Variants in ZNF227 observed in about 807,000 individuals in gnomAD.
ZNF227 encodes the protein zinc finger protein 227.
Under a neutral mutation model 13.2 loss-of-function variants are expected in ZNF227, and 12 were observed. The ratio of observed to expected loss-of-function variants is 0.91; its 90% CI spans 0.58 to 1.47. ZNF227 has a LOEUF of 1.47. Among genes scored for constraint, ZNF227 ranks in the 40% most tolerant of loss-of-function variants. The pLI is 0.00. For missense variants in ZNF227, 885 were observed against 967.5 expected, an observed-to-expected ratio of 0.91 and a Z score of 1.13; for synonymous variants, 338 against 326.0, an observed-to-expected ratio of 1.04 and a Z score of -0.40.
chr19:44,228,599 A>C (rs1440124612), intron 4 of ZNF227, 27 bp downstream of exon 4: 2 of 1,583,848 alleles, frequency 1.3e-6, no homozygotes, highest in South Asian at 2.3e-5. Flanking sequence ...TCTGACCCTG[A>C]ACTTCAGTTC....
At chr19:44,216,829 T>G (rs1416334740) in intron 2 of ZNF227, among the ~76,000 whole-genome samples, 1 of 152,198 alleles carries the variant, frequency 6.6e-6, no homozygotes, top group Non-Finnish European at 1.5e-5. Context: ...AGTAAAATAT[T>G]ACTAGCTGGG....
At chr19:44,226,680 C>T (rs1973203120) in intron 3 of ZNF227, among the ~76,000 whole-genome samples, 1 of 152,148 alleles carries the variant, frequency 6.6e-6, no homozygotes, top group Non-Finnish European at 1.5e-5. Flanking sequence ...GTCTGTCACC[C>T]CTTTCTTTGA....
Position 44,229,831 on chromosome 19 carries a change from G to T in ZNF227, c.271+15G>T. 1 of 1,537,328 alleles carries T rather than the reference G, an allele frequency of 6.5e-7. No homozygotes were observed. The highest frequency in any genetic ancestry group is 8.8e-7 in the Non-Finnish European group (1 of 1,131,662). ...AACCCAAAGAAGTAGGTATTCTGGTGAGAACCCTGTGTCTGTTCTTTCAGG... is the reference window on the plus strand; with the variant it reads ...AACCCAAAGAAGTAGGTATTCTGGTTAGAACCCTGTGTCTGTTCTTTCAGG... On this transcript the variant is annotated intron_variant, in intron 5 of 5. Transcript: ENST00000313040.
chr19:44,231,303 T>C (rs1486277483), intron 5 of ZNF227, among the ~76,000 whole-genome samples: 2 of 151,926 alleles, frequency 1.3e-5, no homozygotes, highest in African/African-American at 4.8e-5. Flanking sequence ...TTAATAGAGA[T>C]GGGGTTTCAC....
chr19:44,227,134 C>A (rs188119933), intron 3 of ZNF227: 3 of 152,148 alleles, frequency 2.0e-5, no homozygotes, highest in Non-Finnish European at 4.4e-5. Flanking sequence ...TAAAGATATG[C>A]GTTGTTCGAG....
chr19:44,227,839 G>C (rs1401636646), intron 3 of ZNF227, among the ~76,000 whole-genome samples: 4 of 152,242 alleles, frequency 2.6e-5, no homozygotes, highest in Non-Finnish European at 5.9e-5. Context: ...TGTGCATCCT[G>C]TAGTAGGTGG....
chr19:44,236,219 G>A lies in ZNF227; in HGVS notation c.1789G>A (p.Val597Ile), dbSNP rs754449298. 1 of 1,614,124 alleles carries A rather than the reference G, an allele frequency of 6.2e-7. No homozygotes were observed. The highest frequency in any genetic ancestry group is 8.5e-7 in the Non-Finnish European group (1 of 1,180,030). Residue 597 changes from valine to isoleucine, a missense_variant, in exon 6 of 6, where the codon GTT (valine) becomes ATT (isoleucine). Val to Ile is a conservative substitution (Grantham distance 29). Coordinates refer to ENST00000313040, the MANE Select transcript of ZNF227 (RefSeq NM_182490.3). ...WRSNLHAHQR[V>I]HSGEKPYKCE... The stretch of plus-strand genomic sequence containing the variant: ...ATCAAATCTTCATGCACATCAAAGA[G>A]TTCACTCAGGAGAAAAACCCTATAA...
intron 2 of ZNF227, among the ~76,000 whole-genome samples, chr19:44,216,534 T>G (rs1971897217): frequency 6.6e-6 from 1 of 152,200 alleles, no homozygotes; most frequent in Non-Finnish European, 1.5e-5. Context: ...AACTTGTATC[T>G]TTTACCAATT....
chr19:44,228,657 A>C (rs766128302), intron 4 of ZNF227, 85 bp downstream of exon 4: 23 of 1,362,184 alleles, frequency 1.7e-5, no homozygotes, highest in Non-Finnish European at 1.9e-5. Context: ...TGGACCTTTT[A>C]AAATGGTTCT....
At position 44,237,007 on chromosome 19, in the gene ZNF227, C is replaced by T. The variant is rs1160200175; in HGVS notation, c.*177C>T. ...CACAGAACCATGAACAGGAATAGAACTCGTATTTAGGGGAGAAATAGGGCT... is the reference window on the plus strand; with the variant it reads ...CACAGAACCATGAACAGGAATAGAATTCGTATTTAGGGGAGAAATAGGGCT... On this transcript the variant is annotated 3_prime_UTR_variant, in exon 6 of 6. Coordinates refer to ENST00000313040, the MANE Select transcript of ZNF227 (RefSeq NM_182490.3). 1 of 559,852 alleles carries T rather than the reference C, an allele frequency of 1.8e-6. No homozygotes were observed. The highest frequency in any genetic ancestry group is 1.9e-5 in the African/African-American group (1 of 53,196). 34.7% of individuals were successfully genotyped at this position (559,852 alleles called of 1,614,324 possible).
In ZNF227 at chr19:44,235,455, A is replaced by T. The variant is rs767022662; in HGVS notation, c.1025A>T (p.His342Leu). Residue 342 changes from histidine (H) to leucine (L), a missense_variant, in exon 6 of 6, where the codon CAT becomes CTT. His to Leu is a moderately conservative substitution (Grantham distance 99). Transcript: ENST00000313040. ...GFSSSTGLII[H>L]YRTHTGEKPY... ...AGTAGCAGCACGGGTCTTATCATTC[A>T]TTACAGAACTCATACTGGAGAGAAA... 5.6e-6 allele frequency: 9 copies of T among 1,614,152 alleles called. No individual in the cohort carries two copies. The highest frequency in any genetic ancestry group is 5.9e-6 in the Non-Finnish European group (7 of 1,180,034).
intron 3 of ZNF227, chr19:44,228,156 G>A (rs367861142): frequency 9.4e-5 from 21 of 224,006 alleles, no homozygotes; most frequent in African/African-American, 4.6e-4. Flanking sequence ...TCTTGAACCC[G>A]GGAGGCGGAG....
At chr19:44,219,846 T>C (rs1389251776) in intron 3 of ZNF227, among the ~76,000 whole-genome samples, 1 of 151,884 alleles carries the variant, frequency 6.6e-6, no homozygotes, top group East Asian at 1.9e-4. Context: ...TTGTTACATA[T>C]GTATACATGT....
intron 3 of ZNF227, among the ~76,000 whole-genome samples, chr19:44,219,787 A>T (rs1056685010): frequency 2.0e-5 from 3 of 148,786 alleles, no homozygotes; most frequent in Non-Finnish European, 4.5e-5. Context: ...TTATTTATTT[A>T]TTATTATTAT....
In ZNF227 at chr19:44,234,821, C is replaced by A; in HGVS notation, c.391C>A (p.Leu131Ile). 1 of 1,614,122 alleles carries A rather than the reference C, an allele frequency of 6.2e-7. No individual in the cohort carries two copies. The highest frequency in any genetic ancestry group is 1.6e-4 in the Middle Eastern group (1 of 6,062). Residue 131 changes from leucine (L) to isoleucine (I), a missense_variant, in exon 6 of 6, where the codon CTT (leucine) becomes ATT (isoleucine). Leu to Ile is a conservative substitution (Grantham distance 5). Coordinates refer to ENST00000313040, the MANE Select transcript of ZNF227 (RefSeq NM_182490.3). ...KQVASELTRCLQGKSSQLLQG... is the reference protein window; with the variant it reads ...KQVASELTRCIQGKSSQLLQG... Reference sequence around the variant, plus strand: ...GGTTGCAAGTGAATTAACCAGGTGTCTTCAGGGGAAGAGTTCCCAGTTATT... The same window carrying A: ...GGTTGCAAGTGAATTAACCAGGTGTATTCAGGGGAAGAGTTCCCAGTTATT...
At chr19:44,234,661 T>C in intron 5 of ZNF227, 41 bp from the exon 6 acceptor site, 1 of 1,500,936 alleles carries the variant, frequency 6.7e-7, no homozygotes, top group Admixed American at 2.3e-5. Flanking sequence ...AAGCATTTAC[T>C]GCCCTCATCT....
At chr19:44,223,008 T>A (rs1972717754) in intron 3 of ZNF227, among the ~76,000 whole-genome samples, 1 of 152,168 alleles carries the variant, frequency 6.6e-6, no homozygotes, top group South Asian at 2.1e-4. Flanking sequence ...CTTTTCTGCA[T>A]CTATTGAGAT....
intron 2 of ZNF227, among the ~76,000 whole-genome samples, chr19:44,215,149 A>G (rs1971734688): frequency 6.7e-6 from 1 of 149,392 alleles, no homozygotes; most frequent in Non-Finnish European, 1.5e-5. Context: ...GTCTTAAAGC[A>G]TACGCCAGAC....
intron 2 of ZNF227, among the ~76,000 whole-genome samples, chr19:44,215,260 G>A (rs535478855): frequency 1.1e-4 from 17 of 149,518 alleles, no homozygotes; most frequent in Admixed American, 6.7e-5. Flanking sequence ...TCTGCCTCCC[G>A]GGTTCAAGCG....
Sources: gnomAD v4.1 joint callset for allele counts (sites outside exome capture counted in the v4.1 genomes callset) on GRCh38, gnomAD v4.1.1 for gene constraint, MANE v1.5 for transcripts, NCBI Gene and HGNC (gene_info 2026-07-23, HGNC 2026-07-21) for gene names.